The following IPO11 variants were observed in gnomAD, a reference collection of about 807,000 sequenced individuals.
IPO11 encodes importin-11.
A neutral mutation model predicts 143.2 loss-of-function variants in IPO11; 66 were observed. The observed-to-expected ratio is 0.46, with a 90% CI of 0.38 to 0.57. The LOEUF (loss-of-function observed/expected upper bound fraction) is 0.57, where lower values mean the gene tolerates loss of function less well. Ranked by LOEUF, IPO11 falls within the 20% of genes least tolerant of loss-of-function variation. IPO11 has a pLI of 0.00. For synonymous variants in IPO11, 385 were observed against 377.8 expected, an observed-to-expected ratio of 1.02 and a Z score of -0.22; for missense variants, 1,026 against 1,141.0, an observed-to-expected ratio of 0.90 and a Z score of 1.45.
At chr5:62,581,362 G>A in intron 27 of IPO11, 1 of 1,263,712 alleles carries the variant, frequency 7.9e-7, no homozygotes, top group Non-Finnish European at 1.1e-6. Context: ...GATTTAAACT[G>A]AAACCTCCTT....
At chr5:62,620,024 G>C (rs941586842) in intron 29 of IPO11, among the ~76,000 whole-genome samples, 2 of 152,040 alleles carry the variant, frequency 1.3e-5, no homozygotes, top group African/African-American at 2.4e-5. Context: ...CTTGAAATCC[G>C]CAGTCTTTAA....
intron 15 of IPO11, among the ~76,000 whole-genome samples, chr5:62,491,172 T>C (rs1174229861): frequency 6.6e-6 from 1 of 152,222 alleles, no homozygotes; most frequent in Non-Finnish European, 1.5e-5. Flanking sequence ...TAATATTTGT[T>C]GACTAAACTA....
intron 27 of IPO11, chr5:62,580,986 T>C: frequency 6.4e-7 from 1 of 1,551,282 alleles, no homozygotes; most frequent in East Asian, 2.4e-5. Flanking sequence ...CATCTCTAAT[T>C]TGTACACAAG....
chr5:62,425,528 G>A (rs1743701291), intron 1 of IPO11, among the ~76,000 whole-genome samples: 1 of 152,030 alleles, frequency 6.6e-6, no homozygotes, highest in African/African-American at 2.4e-5. Context: ...ATGTTGTTCA[G>A]GCTGGTCTCA....
At chr5:62,472,609 C>G (rs1745819930) in intron 7 of IPO11, among the ~76,000 whole-genome samples, 1 of 149,882 alleles carries the variant, frequency 6.7e-6, no homozygotes, top group African/African-American at 2.5e-5. Flanking sequence ...CTCACTGCAA[C>G]CTCTGCCTCC....
intron 27 of IPO11, among the ~76,000 whole-genome samples, chr5:62,588,614 C>A (rs1744894719): frequency 6.6e-6 from 1 of 152,132 alleles, no homozygotes; most frequent in African/African-American, 2.4e-5. Flanking sequence ...TCTACCTGAC[C>A]CAACAGATGC....
At chr5:62,553,351 T>C (rs908817277) in intron 26 of IPO11, among the ~76,000 whole-genome samples, 11 of 151,512 alleles carry the variant, frequency 7.3e-5, no homozygotes, top group Admixed American at 7.2e-4. Flanking sequence ...TGTGTGTGTG[T>C]GTGTGTGTGT....
intron 8 of IPO11, among the ~76,000 whole-genome samples, chr5:62,474,884 G>T (rs571507340): frequency 2.0e-5 from 3 of 152,148 alleles, no homozygotes; most frequent in Non-Finnish European, 2.9e-5. Context: ...GCTGGTATTT[G>T]CTGGACAAAG....
chr5:62,432,212 G>A (rs564990315), intron 1 of IPO11, among the ~76,000 whole-genome samples: 6 of 152,288 alleles, frequency 3.9e-5, no homozygotes, highest in Admixed American at 3.3e-4. Flanking sequence ...TCCTGGTGTG[G>A]TACCTCTGCT....
chr5:62,436,368 G>A (rs1744235328), intron 1 of IPO11, among the ~76,000 whole-genome samples: 1 of 152,172 alleles, frequency 6.6e-6, no homozygotes, highest in Non-Finnish European at 1.5e-5. Flanking sequence ...GATAGCCACT[G>A]TCACTAAGCT....
chr5:62,525,182 A>C (rs1742326669), intron 20 of IPO11, among the ~76,000 whole-genome samples: 1 of 152,196 alleles, frequency 6.6e-6, no homozygotes, highest in African/African-American at 2.4e-5. Flanking sequence ...CCTGTATCTA[A>C]GAAGCATTAA....
At chr5:62,503,324 T>C (rs1741411396) in intron 16 of IPO11, among the ~76,000 whole-genome samples, 1 of 145,670 alleles carries the variant, frequency 6.9e-6, no homozygotes, top group Non-Finnish European at 1.5e-5. Context: ...ATATTAATAG[T>C]ATCTACTAAT....
chr5:62,456,908 A>G (rs1444413271), intron 5 of IPO11, among the ~76,000 whole-genome samples: 1 of 152,112 alleles, frequency 6.6e-6, no homozygotes, highest in Admixed American at 6.6e-5. Flanking sequence ...CCTGGCCAAC[A>G]TGGTGAAACC....
At chr5:62,424,889 T>A (rs998543197) in intron 1 of IPO11, among the ~76,000 whole-genome samples, 1 of 152,228 alleles carries the variant, frequency 6.6e-6, no homozygotes, top group African/African-American at 2.4e-5. Flanking sequence ...ATTATATTTT[T>A]AAAAATTACT....
intron 16 of IPO11, among the ~76,000 whole-genome samples, chr5:62,503,372 C>CTAATATATTAATAGTATCTAT (rs58749589): frequency 0.1 from 6,611 of 64,726 alleles, 654 homozygotes; most frequent in East Asian, 0.3. Context: ...ATAGTATCTA[C>CTAATATATTAATAGTATCTAT]TAATATATTA....
chr5:62,432,050 C>T (rs1744009449), intron 1 of IPO11, among the ~76,000 whole-genome samples: 1 of 152,210 alleles, frequency 6.6e-6, no homozygotes, highest in Non-Finnish European at 1.5e-5. Context: ...CCCCTTCACT[C>T]AGCCCGAAAA....
At chr5:62,607,707 A>G (rs1745774628) in intron 29 of IPO11, among the ~76,000 whole-genome samples, 1 of 152,124 alleles carries the variant, frequency 6.6e-6, no homozygotes, top group Admixed American at 6.5e-5. Context: ...TTCAGCTTAC[A>G]TGCAGTCCAC....
chr5:62,545,851 C>T (rs545675308), intron 24 of IPO11, among the ~76,000 whole-genome samples: 1 of 152,114 alleles, frequency 6.6e-6, no homozygotes, highest in Non-Finnish European at 1.5e-5. Flanking sequence ...GAAAAAATGC[C>T]CATCATCACT....
At chr5:62,569,243 G>C (rs1744057111) in intron 27 of IPO11, among the ~76,000 whole-genome samples, 1 of 152,112 alleles carries the variant, frequency 6.6e-6, no homozygotes, top group Non-Finnish European at 1.5e-5. Context: ...GCCCTTTACT[G>C]CCTGGATTTG....
Sources: allele counts gnomAD v4.1 joint callset (sites outside exome capture counted in the v4.1 genomes callset), GRCh38; gene constraint gnomAD v4.1.1; transcripts MANE v1.5; gene names NCBI Gene and HGNC (gene_info 2026-07-23, HGNC 2026-07-21).